SLC39A8: variants seen among roughly 807,000 people sequenced by gnomAD.
The protein encoded by SLC39A8 is solute carrier family 39 member 8.
In SLC39A8, 15 loss-of-function variants were observed where a neutral mutation model predicts 40.4. That is an observed-to-expected ratio of 0.37 (90% CI 0.25 to 0.57). The LOEUF (loss-of-function observed/expected upper bound fraction) is 0.57, where lower values mean the gene tolerates loss of function less well. Among genes scored for constraint, SLC39A8 ranks in the 20% least tolerant of loss-of-function variants. SLC39A8 has a pLI of 0.75. For missense variants in SLC39A8, 472 were observed against 558.8 expected, an observed-to-expected ratio of 0.84 and a Z score of 1.57; for synonymous variants, 223 against 221.6, an observed-to-expected ratio of 1.01 and a Z score of -0.06.
chr4:102,274,779 G>C (rs1408614822), intron 6 of SLC39A8, among the ~76,000 whole-genome samples: 1 of 152,200 alleles, frequency 6.6e-6, no homozygotes. Context: ...CAAGCCAGAA[G>C]AGAGTATGGG....
intron 6 of SLC39A8, among the ~76,000 whole-genome samples, chr4:102,276,915 A>G (rs1732643142): frequency 2.0e-5 from 3 of 152,210 alleles, no homozygotes; most frequent in Admixed American, 1.3e-4. Flanking sequence ...AGATGCAGAA[A>G]AGGCCTTCAA....
At chr4:102,323,699 C>T (rs1170692914) in intron 2 of SLC39A8, among the ~76,000 whole-genome samples, 1 of 152,168 alleles carries the variant, frequency 6.6e-6, no homozygotes, top group South Asian at 2.1e-4. Context: ...GAAATCCTGT[C>T]TAGAAAGGTA....
chr4:102,344,428 G>T lies in SLC39A8; in HGVS notation c.219+16C>A, dbSNP rs1560575694. 1.3e-6 allele frequency: 2 copies of T among 1,505,292 alleles called. No individual in the cohort carries two copies. Among genetic ancestry groups the T allele is most frequent in the South Asian group, 1.3e-5 (1 of 77,736 alleles). The allele number at this position is 1,505,292 out of a possible 1,614,324, so 93.2% of individuals were successfully genotyped here. ...CACCCACAGTACGGAGGGCTGCCCGGACCTGGCGGCCTTACCTGGTTGAAG... is the reference window on the plus strand; with the variant it reads ...CACCCACAGTACGGAGGGCTGCCCGTACCTGGCGGCCTTACCTGGTTGAAG... On this transcript the variant is annotated intron_variant, in intron 2 of 8. Coordinates refer to ENST00000356736, the MANE Select transcript of SLC39A8 (RefSeq NM_001135146.2).
chr4:102,325,790 T>C (rs534672788), intron 2 of SLC39A8, among the ~76,000 whole-genome samples: 1 of 152,364 alleles, frequency 6.6e-6, no homozygotes, highest in East Asian at 1.9e-4. Context: ...AAATCTCTTT[T>C]TCCAGGTTCC....
rs951406173 is a variant in SLC39A8 at position 102,302,543 on chromosome 4, A to G, written c.840+1774T>C. On this transcript the variant is annotated intron_variant, in intron 6 of 8. Transcript: ENST00000356736. Reference sequence around the variant, plus strand: ...GTCAAATTATTTTTCCCCACTACAAAAAATAAATATTTAACAGTTGATGTT... The same window carrying G: ...GTCAAATTATTTTTCCCCACTACAAGAAATAAATATTTAACAGTTGATGTT... 2.6e-4 allele frequency among the ~76,000 whole-genome samples: 39 copies of G among 152,040 alleles called. 1 individual carries two copies. The highest frequency in any genetic ancestry group is 9.2e-4 in the African/African-American group (38 of 41,434).
rs1364925150 is a variant in SLC39A8 at position 102,314,545 on chromosome 4, CA to C, written c.382+1122del. On this transcript the variant is annotated intron_variant, in intron 3 of 8. Transcript: ENST00000356736. The stretch of plus-strand genomic sequence containing the variant: ...ACATATATCCTTCTACCTTCCCCAC[CA>C]ACTCACTAGGCTCCAGACACATAGG... Among the ~76,000 whole-genome samples, 3 of 152,156 alleles carry C rather than the reference CA, an allele frequency of 2.0e-5. No homozygotes were observed. In the East Asian group the frequency reaches 5.8e-4, roughly 29 times the overall value.
chr4:102,344,530 C>T lies in SLC39A8; in HGVS notation c.133G>A (p.Ala45Thr). The change falls in exon 2 of 9, where the codon GCG becomes ACG. Residue 45 changes from alanine (A) to threonine (T), a missense_variant. Coordinates refer to ENST00000356736, the MANE Select transcript of SLC39A8 (RefSeq NM_001135146.2). Reference protein sequence around the residue: ...SVFGANLSLSAAQLQHLLEQM... With the variant: ...SVFGANLSLSTAQLQHLLEQM... ...TCCAGCAAGTGCTGGAGCTGCGCCG[C>T]CGACAGGCTCAGATTCGCGCCGAAC... The T allele has an allele frequency of 7.1e-6, 11 of 1,559,306 alleles. No homozygotes were observed. Among genetic ancestry groups the T allele is most frequent in the Non-Finnish European group, 9.6e-6 (11 of 1,151,746 alleles).
At chr4:102,344,950 AG>A (rs1332910831) in intron 1 of SLC39A8, 35 bp from the exon 2 acceptor site, 2 of 1,169,910 alleles carry the variant, frequency 1.7e-6, no homozygotes, top group African/African-American at 1.6e-5. Flanking sequence ...ACAGAGATAA[AG>A]GCCACCAGGG....
At chr4:102,261,058 A>G (rs1328992420), downstream of SLC39A8, among the ~76,000 whole-genome samples, 3 of 152,234 alleles carry the variant, frequency 2.0e-5, no homozygotes, top group Non-Finnish European at 2.9e-5. Context: ...AAGCAATCCA[A>G]CACAGACATT....
chr4:102,299,628 AATCTCCCTAAC>A (rs1245419184), intron 6 of SLC39A8, among the ~76,000 whole-genome samples: 1 of 152,046 alleles, frequency 6.6e-6, no homozygotes, highest in Non-Finnish European at 1.5e-5. Context: ...CAACAAAGAA[AATCTCCCTAAC>A]ATCTCCACAC....
chr4:102,274,910 T>C (rs992209218), intron 6 of SLC39A8, among the ~76,000 whole-genome samples: 2 of 152,150 alleles, frequency 1.3e-5, no homozygotes, highest in Admixed American at 6.5e-5. Flanking sequence ...GCTGAGGGAT[T>C]TTGTCACCAC....
chr4:102,272,322 C>T (rs1732398093), intron 6 of SLC39A8, among the ~76,000 whole-genome samples: 1 of 151,618 alleles, frequency 6.6e-6, no homozygotes, highest in South Asian at 2.1e-4. Context: ...GCCTGTAGTC[C>T]CAGCTACTCA....
Position 102,320,395 on chromosome 4 carries a change from T to TATATATATATGAGAATATATATATGAGA in SLC39A8, c.220-4593_220-4566dup, listed in dbSNP as rs1369568749. The stretch of plus-strand genomic sequence containing the variant: ...ATATATATGAGAATATATATATGAG[T>TATATATATATGAGAATATATATATGAGA]ATATATATATGAGAATATATATATG... On this transcript the variant is annotated intron_variant, in intron 2 of 8. Coordinates refer to ENST00000356736, the MANE Select transcript of SLC39A8 (RefSeq NM_001135146.2). Among the ~76,000 whole-genome samples the TATATATATATGAGAATATATATATGAGA allele has an allele frequency of 1.4e-4, 9 of 64,858 alleles. 2 individuals are homozygous for TATATATATATGAGAATATATATATGAGA. Among genetic ancestry groups the TATATATATATGAGAATATATATATGAGA allele is most frequent in the African/African-American group, 4.9e-4 (8 of 16,224 alleles). 42.5% of individuals were successfully genotyped at this position (64,858 alleles called of 152,430 possible). A position where few individuals can be genotyped will look rare whatever the true frequency, so the allele number is the denominator to read the frequency against.
chr4:102,264,834 C>T (rs781020375), intron 8 of SLC39A8, among the ~76,000 whole-genome samples: 4 of 152,178 alleles, frequency 2.6e-5, no homozygotes, highest in Non-Finnish European at 4.4e-5. Context: ...ATGAATACAC[C>T]TCTGCTAATG....
chr4:102,291,445 C>G (rs191119410), intron 6 of SLC39A8, among the ~76,000 whole-genome samples: 47 of 152,036 alleles, frequency 3.1e-4, no homozygotes, highest in Non-Finnish European at 4.4e-5. Context: ...AAAATTATTC[C>G]AAAATGTTCT....
intron 5 of SLC39A8, 76 bp downstream of exon 5, chr4:102,304,913 A>T: frequency 7.6e-7 from 1 of 1,311,042 alleles, no homozygotes; most frequent in South Asian, 1.4e-5. Flanking sequence ...TAAAAATAAA[A>T]TTTCTGTCTT....
At chr4:102,280,293 G>C (rs1260317236) in intron 6 of SLC39A8, among the ~76,000 whole-genome samples, 2 of 152,290 alleles carry the variant, frequency 1.3e-5, no homozygotes, top group South Asian at 4.1e-4. Context: ...ACTGTGCTCA[G>C]AGTTTTACAA....
intron 3 of SLC39A8, among the ~76,000 whole-genome samples, chr4:102,312,431 T>A (rs1309765989): frequency 6.6e-6 from 1 of 152,120 alleles, no homozygotes; most frequent in East Asian, 1.9e-4. Context: ...GTGTTGTCCC[T>A]AGAATTCTAC....
intron 2 of SLC39A8, among the ~76,000 whole-genome samples, chr4:102,316,350 ATG>A (rs970701669): frequency 6.6e-6 from 1 of 152,140 alleles, no homozygotes; most frequent in African/African-American, 2.4e-5. Context: ...GTTTTAAAAT[ATG>A]TCTTTTGCAC....
Sources: gnomAD v4.1 joint callset for allele counts (sites outside exome capture counted in the v4.1 genomes callset) on GRCh38, gnomAD v4.1.1 for gene constraint, MANE v1.5 for transcripts, NCBI Gene and HGNC (gene_info 2026-07-23, HGNC 2026-07-21) for gene names.